Variants in METTL25 observed in about 807,000 individuals in gnomAD.
METTL25 encodes methyltransferase like 25, also known as probable methyltransferase-like protein 25.
In METTL25, 64 loss-of-function variants were observed where a neutral mutation model predicts 71.6. That is an observed-to-expected ratio of 0.89 (90% CI 0.73 to 1.10). METTL25 has a LOEUF of 1.10. Among genes scored for constraint, METTL25 ranks in the 50% least tolerant of loss-of-function variants. METTL25 has a pLI of 0.00. For missense variants in METTL25, 807 were observed against 707.0 expected (o/e 1.14, Z -1.60); for synonymous variants, 287 against 250.3 (o/e 1.15, Z -1.38).
At chr12:82,443,792 A>C (rs889709937) in intron 8 of METTL25, among the ~76,000 whole-genome samples, 1 of 144,594 alleles carries the variant, frequency 6.9e-6, no homozygotes, top group Non-Finnish European at 1.5e-5. Flanking sequence ...TTTAACAACC[A>C]GGTCTTGTGG....
chr12:82,446,467 A>G (rs1294164586), intron 8 of METTL25, among the ~76,000 whole-genome samples: 2 of 149,186 alleles, frequency 1.3e-5, no homozygotes, highest in East Asian at 4.0e-4. Context: ...CATATCAAGT[A>G]TCATTTCTGA....
intron 5 of METTL25, among the ~76,000 whole-genome samples, chr12:82,409,456 T>C (rs1356840030): frequency 6.6e-6 from 1 of 152,142 alleles, no homozygotes; most frequent in Non-Finnish European, 1.5e-5. Context: ...TAAATACCAG[T>C]ATAACTTGGT....
intron 1 of METTL25, among the ~76,000 whole-genome samples, chr12:82,367,624 C>T (rs934782035): frequency 3.9e-5 from 6 of 152,188 alleles, no homozygotes; most frequent in African/African-American, 1.2e-4. Flanking sequence ...GGCTTCCAAC[C>T]TGTTGTTCTT....
intron 9 of METTL25, among the ~76,000 whole-genome samples, chr12:82,475,521 CTT>C (rs1892834288): frequency 2.0e-5 from 3 of 151,920 alleles, no homozygotes; most frequent in Admixed American, 2.0e-4. Flanking sequence ...AAAAAAAGGA[CTT>C]TGAAAAAATA....
At chr12:82,391,249 T>C (rs1885547708) in intron 3 of METTL25, among the ~76,000 whole-genome samples, 1 of 152,016 alleles carries the variant, frequency 6.6e-6, no homozygotes, top group Admixed American at 6.6e-5. Flanking sequence ...AAAGACCCAG[T>C]CATTTAGTTT....
At chr12:82,384,144 G>T (rs1269578594) in intron 1 of METTL25, among the ~76,000 whole-genome samples, 1 of 152,142 alleles carries the variant, frequency 6.6e-6, no homozygotes, top group Non-Finnish European at 1.5e-5. Flanking sequence ...ATGCAGGTGC[G>T]ATAGGCAGCA....
intron 9 of METTL25, among the ~76,000 whole-genome samples, chr12:82,471,666 A>G (rs1239067660): frequency 6.6e-6 from 1 of 152,226 alleles, no homozygotes; most frequent in Admixed American, 6.5e-5. Context: ...CAACTATGTC[A>G]TATGATGGTA....
At chr12:82,370,933 A>C (rs1883165523) in intron 1 of METTL25, among the ~76,000 whole-genome samples, 1 of 152,078 alleles carries the variant, frequency 6.6e-6, no homozygotes, top group Admixed American at 6.5e-5. Flanking sequence ...GGGTTTTTGC[A>C]CTGCATGCAA....
At chr12:82,444,822 A>G (rs1890625652) in intron 8 of METTL25, among the ~76,000 whole-genome samples, 1 of 152,144 alleles carries the variant, frequency 6.6e-6, no homozygotes, top group Non-Finnish European at 1.5e-5. Context: ...TGCTACCTAC[A>G]GGAAGCTCAC....
rs766777467 is a variant in METTL25 at position 82,438,779 on chromosome 12, G to A, written c.1466G>A (p.Gly489Asp). 1.3e-6 allele frequency: 2 copies of A among 1,502,186 alleles called. No homozygotes were observed. The highest frequency in any genetic ancestry group is 1.8e-6 in the Non-Finnish European group (2 of 1,099,862). 93.1% of individuals were successfully genotyped at this position (1,502,186 alleles called of 1,614,324 possible). A position where few individuals can be genotyped will look rare whatever the true frequency, so the allele number is the denominator to read the frequency against. Residue 489 changes from glycine (G) to aspartate (D), a missense_variant, in exon 8 of 12, where the codon GGC becomes GAC. Physicochemically the swap from Gly to Asp is moderately conservative, Grantham distance 94. Transcript: ENST00000248306. ...CAGGATATTATTAAAGATTGTTATGGCATCACCAAATGGTATGAGGATTTT... is the reference window on the plus strand; with the variant it reads ...CAGGATATTATTAAAGATTGTTATGACATCACCAAATGGTATGAGGATTTT... ...VLQDIIKDCY[G>D]ITKCDRHVGK...
chr12:82,435,547 T>C (rs1889855128), intron 7 of METTL25, among the ~76,000 whole-genome samples: 1 of 151,332 alleles, frequency 6.6e-6, no homozygotes, highest in African/African-American at 2.4e-5. Context: ...TCATTTGAGT[T>C]TGGGGACTTT....
intron 9 of METTL25, among the ~76,000 whole-genome samples, chr12:82,467,602 A>G (rs530790061): frequency 2.0e-5 from 3 of 152,260 alleles, no homozygotes; most frequent in Admixed American, 2.0e-4. Context: ...TTTTGAATAT[A>G]TCATGCCATT....
At chr12:82,458,531 G>A (rs950245459) in intron 9 of METTL25, among the ~76,000 whole-genome samples, 2 of 151,926 alleles carry the variant, frequency 1.3e-5, no homozygotes, top group African/African-American at 2.4e-5. Context: ...GGACAACTTT[G>A]GGAATTAAAA....
At chr12:82,436,169 G>A (rs1257522812) in intron 7 of METTL25, among the ~76,000 whole-genome samples, 1 of 151,076 alleles carries the variant, frequency 6.6e-6, no homozygotes, top group Non-Finnish European at 1.5e-5. Context: ...TTATTAGTTG[G>A]GTATTATCCT....
chr12:82,386,414 C>A (rs531580743), intron 1 of METTL25, among the ~76,000 whole-genome samples: 63 of 151,136 alleles, frequency 4.2e-4, no homozygotes, highest in African/African-American at 1.4e-3. Flanking sequence ...TTTTAACCAA[C>A]CTACCTTCCT....
chr12:82,408,628 A>G (rs2137049762), intron 5 of METTL25, among the ~76,000 whole-genome samples: 1 of 56,896 alleles, frequency 1.8e-5, no homozygotes, highest in South Asian at 5.5e-4. Context: ...GTGTGTGTGA[A>G]GGCAGACAGT....
chr12:82,476,803 A>G, intron 10 of METTL25, 85 bp downstream of exon 10: 3 of 821,706 alleles, frequency 3.7e-6, no homozygotes, highest in South Asian at 1.9e-5. Flanking sequence ...GGGCTAAGCA[A>G]TCTATGTTGT....
At chr12:82,407,285 G>C (rs974787628) in intron 5 of METTL25, among the ~76,000 whole-genome samples, 2 of 152,108 alleles carry the variant, frequency 1.3e-5, no homozygotes, top group African/African-American at 4.8e-5. Context: ...CATTAGTCTT[G>C]TATCCTGCCT....
Position 82,428,044 on chromosome 12 carries a change from C to T in METTL25, c.1280-2849C>T, listed in dbSNP as rs545142320. The stretch of plus-strand genomic sequence containing the variant: ...CTCTACTCTCTACTGCTCTTGTTTG[C>T]ATGGTCTTAGTTTGCTTGGTACCGT... On this transcript the variant is annotated intron_variant, in intron 5 of 11. Transcript: ENST00000248306. Among the ~76,000 whole-genome samples, 81 of 151,898 alleles carry T rather than the reference C, an allele frequency of 5.3e-4. 1 individual carries two copies. Among genetic ancestry groups the T allele is most frequent in the Non-Finnish European group, 9.1e-4 (62 of 67,940 alleles).
Sources: gnomAD v4.1 joint callset for allele counts (sites outside exome capture counted in the v4.1 genomes callset) on GRCh38, gnomAD v4.1.1 for gene constraint, MANE v1.5 for transcripts, NCBI Gene and HGNC (gene_info 2026-07-23, HGNC 2026-07-21) for gene names.